The following EML5 variants were observed in gnomAD, a reference collection of about 807,000 sequenced individuals.
EML5 encodes the protein EMAP like 5.
In EML5, 120 loss-of-function variants were observed where a neutral mutation model predicts 250.0. That is an observed-to-expected ratio of 0.48 (90% CI 0.41 to 0.56). The LOEUF (loss-of-function observed/expected upper bound fraction) is 0.56, where lower values mean the gene tolerates loss of function less well. Ranked by LOEUF, EML5 falls within the 20% of genes least tolerant of loss-of-function variation. The pLI is 0.00. For missense variants in EML5, 2,006 were observed against 2,437.6 expected (o/e 0.82, Z 3.73); for synonymous variants, 771 against 806.5 (o/e 0.96, Z 0.75).
At chr14:88,790,232 G>C (rs2094591901) in intron 1 of EML5, among the ~76,000 whole-genome samples, 1 of 152,102 alleles carries the variant, frequency 6.6e-6, no homozygotes, top group Admixed American at 6.6e-5. Context: ...TCAAGATGCT[G>C]TATGATTCAG....
At chr14:88,644,706 A>T (rs1424560753) in intron 29 of EML5, 195 bp from the exon 30 acceptor site, 1 of 485,196 alleles carries the variant, frequency 2.1e-6, no homozygotes, top group African/African-American at 2.0e-5. Flanking sequence ...TACAACTTTT[A>T]TTCATTTTAT....
chr14:88,667,569 T>G (rs2141009039), intron 21 of EML5, among the ~76,000 whole-genome samples: 1 of 152,298 alleles, frequency 6.6e-6, no homozygotes, highest in South Asian at 2.1e-4. Flanking sequence ...TGCTGGTTAT[T>G]AATTTATTGC....
At chr14:88,716,057 G>C (rs550497202) in intron 8 of EML5, among the ~76,000 whole-genome samples, 13 of 152,140 alleles carry the variant, frequency 8.5e-5, no homozygotes, top group African/African-American at 3.1e-4. Context: ...GAAAAGGTAG[G>C]GGGAAGTAAA....
At chr14:88,712,220 G>C in intron 10 of EML5, 51 bp downstream of exon 10, 1 of 1,308,526 alleles carries the variant, frequency 7.6e-7, no homozygotes, top group South Asian at 1.3e-5. Context: ...GCAAGAACAC[G>C]AAAGTCTTCT....
chr14:88,750,390 T>C (rs759762445), intron 2 of EML5, among the ~76,000 whole-genome samples: 24 of 152,266 alleles, frequency 1.6e-4, no homozygotes, highest in Admixed American at 7.9e-4. Flanking sequence ...CATATCATTA[T>C]TATTATTGCT....
At chr14:88,665,279 A>G (rs2092273283) in intron 22 of EML5, 58 bp downstream of exon 22, 1 of 1,489,476 alleles carries the variant, frequency 6.7e-7, no homozygotes, top group African/African-American at 1.4e-5. Context: ...ATACATTGAT[A>G]CATTTATACA....
At chr14:88,636,782 T>C (rs1465395782) in intron 32 of EML5, among the ~76,000 whole-genome samples, 1 of 152,134 alleles carries the variant, frequency 6.6e-6, no homozygotes, top group East Asian at 1.9e-4. Context: ...ACACCAAGAA[T>C]GAGGGCCAAA....
intron 1 of EML5, among the ~76,000 whole-genome samples, chr14:88,788,661 T>C (rs1209320758): frequency 2.6e-5 from 4 of 152,136 alleles, no homozygotes; most frequent in Admixed American, 2.6e-4. Flanking sequence ...CCATCAATGG[T>C]CTTCACTGGT....
chr14:88,762,676 A>G (rs2094262130), intron 1 of EML5, among the ~76,000 whole-genome samples: 1 of 152,222 alleles, frequency 6.6e-6, no homozygotes, highest in Non-Finnish European at 1.5e-5. Context: ...AGACATTGAC[A>G]GAACTCTCCA....
rs762008293 is a variant in EML5, at chr14:88,695,343, A to G, written c.2438+18T>C. On this transcript the variant is annotated intron_variant, in intron 16 of 43. Coordinates refer to ENST00000554922, the MANE Select transcript of EML5 (RefSeq NM_183387.3). ...AATTCTAGTATTTTGCAAATGTGAT[A>G]TCAAGTTTTTTTCCTACCTTGCTAT... is the stretch of plus-strand genomic sequence containing the variant. The G allele has an allele frequency of 1.9e-6, 3 of 1,595,034 alleles. No individual in the cohort carries two copies.
chr14:88,628,462 T>TA (rs1423509449), intron 33 of EML5, among the ~76,000 whole-genome samples: 1 of 152,088 alleles, frequency 6.6e-6, no homozygotes, highest in African/African-American at 2.4e-5. Context: ...TTCTGCTGCT[T>TA]AAAAAATTAT....
chr14:88,677,007 C>A (rs1367023102), intron 21 of EML5, among the ~76,000 whole-genome samples: 1 of 152,194 alleles, frequency 6.6e-6, no homozygotes, highest in Non-Finnish European at 1.5e-5. Context: ...TGGGTTCAAG[C>A]AATTCTCTTG....
In EML5 at chr14:88,706,465, C is replaced by T. The variant is rs1056901191; in HGVS notation, c.1658-39G>A. ...ATATCTTTAAATTGATAAACAAATG[C>T]TAAACAAAATACCATTTCAAACAAT... is the stretch of plus-strand genomic sequence containing the variant. On this transcript the variant is annotated intron_variant, in intron 10 of 43. Coordinates refer to ENST00000554922, the MANE Select transcript of EML5 (RefSeq NM_183387.3). 4.4e-5 allele frequency: 61 copies of T among 1,393,806 alleles called. 1 individual carries two copies. The highest frequency in any genetic ancestry group is 5.9e-5 in the Admixed American group (2 of 34,182). The allele number at this position is 1,393,806 out of a possible 1,614,324, so 86.3% of individuals were successfully genotyped here. A position where few individuals can be genotyped will look rare whatever the true frequency, so the allele number is the denominator to read the frequency against.
chr14:88,715,016 T>C lies in EML5; in HGVS notation c.1367A>G (p.His456Arg), dbSNP rs774331678. Residue 456 changes from histidine to arginine, a missense_variant, in exon 9 of 44, where the codon CAT (histidine) becomes CGT (arginine). By Grantham distance (29) the His-to-Arg change is conservative. This residue lies in a region of EML5 where 1,375 missense variants were observed against 1,590.3 expected (regional missense o/e 0.86). Coordinates refer to ENST00000554922, the MANE Select transcript of EML5 (RefSeq NM_183387.3). ...ECLGSLSFITHLDWSSDSRYL... is the reference protein window; with the variant it reads ...ECLGSLSFITRLDWSSDSRYL... Reference sequence around the variant, plus strand: ...TCTACTGTCTGAAGACCAGTCCAGATGAGTGATGAAACTAAGGGATCCCAA... The same window carrying C: ...TCTACTGTCTGAAGACCAGTCCAGACGAGTGATGAAACTAAGGGATCCCAA... 4.3e-6 allele frequency: 7 copies of C among 1,613,774 alleles called. No homozygotes were observed. Among genetic ancestry groups the C allele is most frequent in the Non-Finnish European group, 5.9e-6 (7 of 1,179,846 alleles).
At chr14:88,723,957 C>T (rs2093627933) in intron 8 of EML5, among the ~76,000 whole-genome samples, 1 of 152,006 alleles carries the variant, frequency 6.6e-6, no homozygotes, top group Admixed American at 6.6e-5. Context: ...ACATAACCCC[C>T]ACTCCTGGTG....
intron 1 of EML5, among the ~76,000 whole-genome samples, chr14:88,774,037 C>T (rs1182452498): frequency 6.6e-6 from 1 of 152,038 alleles, no homozygotes; most frequent in East Asian, 1.9e-4. Flanking sequence ...GATAATCGCT[C>T]GAACCCGGAG....
chr14:88,677,566 C>T (rs781277629), intron 21 of EML5, among the ~76,000 whole-genome samples: 9 of 152,196 alleles, frequency 5.9e-5, no homozygotes, highest in Non-Finnish European at 1.0e-4. Flanking sequence ...TGACAAAGGT[C>T]TAATATCCAG....
intron 25 of EML5, among the ~76,000 whole-genome samples, chr14:88,659,241 CTT>C (rs201879199): frequency 1.4e-5 from 2 of 145,494 alleles, no homozygotes; most frequent in African/African-American, 5.0e-5. Context: ...TGACGACTCT[CTT>C]TTTTTTTTTT....
At chr14:88,624,895 A>C in intron 36 of EML5, 75 bp downstream of exon 36, 1 of 1,542,534 alleles carries the variant, frequency 6.5e-7, no homozygotes, top group East Asian at 2.3e-5. Context: ...GCCTAGAAAC[A>C]ACTAGAATAA....
Sources: allele counts gnomAD v4.1 joint callset (sites outside exome capture counted in the v4.1 genomes callset), GRCh38; gene constraint gnomAD v4.1.1; regional missense constraint gnomAD v4.1.1; transcripts MANE v1.5; gene names NCBI Gene and HGNC (gene_info 2026-07-23, HGNC 2026-07-21).